MINDY3: variants seen among roughly 807,000 people sequenced by gnomAD.
The protein encoded by MINDY3 is MINDY lysine 48 deubiquitinase 3, also known as ubiquitin carboxyl-terminal hydrolase MINDY-3.
In MINDY3, 38 loss-of-function variants were observed where a neutral mutation model predicts 69.2. The ratio of observed to expected loss-of-function variants is 0.55; its 90% CI spans 0.42 to 0.72. The LOEUF is 0.72. Ranked by LOEUF, MINDY3 falls within the 30% of genes least tolerant of loss-of-function variation. The probability of loss-of-function intolerance (pLI) is 0.00; values close to 1 mark genes in which losing one functional copy is unlikely to be tolerated. For missense variants in MINDY3, 522 were observed against 519.0 expected (o/e 1.01, Z -0.06); for synonymous variants, 192 against 180.1 (o/e 1.07, Z -0.53).
intron 10 of MINDY3, among the ~76,000 whole-genome samples, chr10:15,807,379 T>C (rs147474942): frequency 3.4e-4 from 51 of 152,216 alleles, no homozygotes; most frequent in African/African-American, 1.2e-3. Context: ...TGGTGGAAGG[T>C]TGGACCAGGA....
intron 10 of MINDY3, among the ~76,000 whole-genome samples, chr10:15,806,389 T>A (rs1838642188): frequency 6.6e-6 from 1 of 152,126 alleles, no homozygotes; most frequent in African/African-American, 2.4e-5. Flanking sequence ...TCAATACCAA[T>A]AATTTAATCT....
chr10:15,793,747 G>GGAT (rs1837596700), intron 11 of MINDY3, among the ~76,000 whole-genome samples: 1 of 152,064 alleles, frequency 6.6e-6, no homozygotes, highest in Admixed American at 6.6e-5. Flanking sequence ...ACAAAAACAA[G>GGAT]GATGATGATC....
At chr10:15,801,794 G>C (rs532844435) in intron 10 of MINDY3, among the ~76,000 whole-genome samples, 1 of 151,992 alleles carries the variant, frequency 6.6e-6, no homozygotes, top group Admixed American at 6.6e-5. Flanking sequence ...AGAGAACACT[G>C]TGTCCAGATA....
At chr10:15,837,176 G>T in intron 6 of MINDY3, 28 bp downstream of exon 6, 1 of 1,323,974 alleles carries the variant, frequency 7.6e-7, no homozygotes, top group Non-Finnish European at 1.1e-6. Flanking sequence ...ATTAATCAAA[G>T]GCAGAAAAAT....
Position 15,847,944 on chromosome 10 carries a change from C to G in MINDY3, c.95-1G>C. 1 of 1,612,516 alleles carries G rather than the reference C, an allele frequency of 6.2e-7. No individual in the cohort carries two copies. The highest frequency in any genetic ancestry group is 8.5e-7 in the Non-Finnish European group (1 of 1,178,688). On this transcript the variant is annotated splice_acceptor_variant, in intron 1 of 14. Transcript: ENST00000277632. LOFTEE classifies it high-confidence loss of function. The stretch of plus-strand genomic sequence containing the variant: ...CCCTCTGATTCACTAAACACAAACC[C>G]TAAAAATGAAAGCAAGTAGGAAAGA...
At chr10:15,780,262 C>T (rs1836419106) in intron 14 of MINDY3, among the ~76,000 whole-genome samples, 1 of 152,118 alleles carries the variant, frequency 6.6e-6, no homozygotes, top group Non-Finnish European at 1.5e-5. Context: ...TGAATCTACT[C>T]ATTCCTAAGA....
chr10:15,847,647 T>C (rs971861052), intron 2 of MINDY3, among the ~76,000 whole-genome samples: 4 of 152,200 alleles, frequency 2.6e-5, no homozygotes, highest in Non-Finnish European at 5.9e-5. Flanking sequence ...TATTTTTCCT[T>C]GAAAATAAAG....
intron 1 of MINDY3, among the ~76,000 whole-genome samples, chr10:15,848,662 AG>A (rs1327622150): frequency 0.062 from 6,204 of 99,308 alleles, 876 homozygotes; most frequent in African/African-American, 0.17. Flanking sequence ...AAAAAAAAAA[AG>A]AAAGAAAAAT....
intron 11 of MINDY3, among the ~76,000 whole-genome samples, chr10:15,791,642 G>A (rs1837425305): frequency 6.6e-6 from 1 of 151,790 alleles, no homozygotes; most frequent in African/African-American, 2.4e-5. Context: ...AAAAGCTGTT[G>A]GTTTAAAATT....
intron 12 of MINDY3, 48 bp from the exon 13 acceptor site, chr10:15,786,696 A>G (rs77694765): frequency 8.8e-7 from 1 of 1,134,480 alleles, no homozygotes; most frequent in Non-Finnish European, 1.3e-6. Context: ...GAAAAAAAAA[A>G]GCTGCTTTTC....
intron 4 of MINDY3, among the ~76,000 whole-genome samples, chr10:15,839,259 G>A (rs561365692): frequency 2.6e-5 from 4 of 151,522 alleles, no homozygotes; most frequent in South Asian, 2.1e-4. Context: ...TTCATATTTC[G>A]TTTTAAAATC....
intron 13 of MINDY3, 95 bp downstream of exon 13, chr10:15,786,466 A>C: frequency 1.3e-6 from 1 of 792,248 alleles, no homozygotes; most frequent in Non-Finnish European, 2.1e-6. Flanking sequence ...ATATCTGCGC[A>C]TTAGGACATT....
Position 15,821,378 on chromosome 10 carries a change from T to A in MINDY3, c.801+278A>T, listed in dbSNP as rs543250760. Among the ~76,000 whole-genome samples, 8 of 152,314 alleles carry A rather than the reference T, an allele frequency of 5.3e-5. No homozygotes were observed. In the South Asian group the frequency reaches 1.5e-3, roughly 28 times the overall value. On this transcript the variant is annotated intron_variant, in intron 9 of 14. Transcript: ENST00000277632. ...TTGCCAAAAATAAATTCATATTCAA[T>A]AATAGATGTCTGTGGCTTTTTTGAA... is the stretch of plus-strand genomic sequence containing the variant.
intron 8 of MINDY3, among the ~76,000 whole-genome samples, chr10:15,832,095 G>C (rs193264208): frequency 6.6e-6 from 1 of 152,268 alleles, no homozygotes; most frequent in African/African-American, 2.4e-5. Context: ...AGAGTATTCT[G>C]GTTTGGGGAC....
At chr10:15,806,771 C>A (rs1838666843) in intron 10 of MINDY3, among the ~76,000 whole-genome samples, 1 of 152,198 alleles carries the variant, frequency 6.6e-6, no homozygotes, top group South Asian at 2.1e-4. Flanking sequence ...CTATCATCTA[C>A]CAATTACTAT....
At chr10:15,786,157 T>G (rs1029960161) in intron 13 of MINDY3, among the ~76,000 whole-genome samples, 38 of 152,210 alleles carry the variant, frequency 2.5e-4, no homozygotes, top group African/African-American at 9.1e-4. Flanking sequence ...AGGTTTTAAT[T>G]CTCCAGGAGC....
chr10:15,794,403 C>G (rs1418131693), intron 11 of MINDY3, among the ~76,000 whole-genome samples: 1 of 152,072 alleles, frequency 6.6e-6, no homozygotes, highest in African/African-American at 2.4e-5. Flanking sequence ...TGACTATACA[C>G]ATAGCTAAAC....
At chr10:15,779,264 T>A (rs1836331315) in intron 14 of MINDY3, 123 bp from the exon 15 acceptor site, 1 of 711,062 alleles carries the variant, frequency 1.4e-6, no homozygotes, top group Non-Finnish European at 2.1e-6. Context: ...AAACTTGACA[T>A]GTAATTTTAT....
At chr10:15,844,425 T>A (rs1293978316) in intron 2 of MINDY3, among the ~76,000 whole-genome samples, 2 of 152,172 alleles carry the variant, frequency 1.3e-5, no homozygotes, top group African/African-American at 4.8e-5. Context: ...TTTTTTAATA[T>A]CTAGTTTTAA....
Sources: gnomAD v4.1 joint callset for allele counts (sites outside exome capture counted in the v4.1 genomes callset) on GRCh38, gnomAD v4.1.1 for gene constraint, MANE v1.5 for transcripts, NCBI Gene and HGNC (gene_info 2026-07-23, HGNC 2026-07-21) for gene names.